Variants in EEFSEC observed in about 807,000 individuals in gnomAD.
EEFSEC encodes the protein selenocysteine-specific elongation factor.
A neutral mutation model predicts 42.1 loss-of-function variants in EEFSEC; 43 were observed. The ratio of observed to expected loss-of-function variants is 1.02; its 90% CI spans 0.80 to 1.32. The LOEUF (loss-of-function observed/expected upper bound fraction) is 1.32. Ranked by LOEUF, EEFSEC falls within the 40% of genes most tolerant of loss-of-function variation. EEFSEC has a pLI of 0.00. For missense variants in EEFSEC, 745 were observed against 803.6 expected (o/e 0.93, Z 0.88); for synonymous variants, 354 against 339.1 (o/e 1.04, Z -0.48).
chr3:128,279,217 A>G (rs111836369), intron 4 of EEFSEC, among the ~76,000 whole-genome samples: 87 of 152,332 alleles, frequency 5.7e-4, no homozygotes, highest in African/African-American at 2.0e-3. Flanking sequence ...AGGGGTGCAG[A>G]CAGGCAGGAA....
At chr3:128,252,449 T>G (rs1276185373) in intron 2 of EEFSEC, among the ~76,000 whole-genome samples, 1 of 152,182 alleles carries the variant, frequency 6.6e-6, no homozygotes, top group Non-Finnish European at 1.5e-5. Context: ...ACCATGGATA[T>G]GTAGGAATAA....
At chr3:128,272,334 G>C (rs2811414) in intron 4 of EEFSEC, among the ~76,000 whole-genome samples, 130,848 of 152,278 alleles carry the variant, frequency 0.86, 56,430 homozygotes, top group East Asian at 0.99. Flanking sequence ...GAAGGGACAT[G>C]TCCTAGGGGT....
chr3:128,404,839 G>A (rs1450647577), intron 6 of EEFSEC, among the ~76,000 whole-genome samples: 3 of 152,156 alleles, frequency 2.0e-5, no homozygotes, highest in Non-Finnish European at 4.4e-5. Flanking sequence ...GCAAGGGCCT[G>A]GCTTCTGGAG....
At chr3:128,257,118 A>G (rs961231768) in intron 2 of EEFSEC, among the ~76,000 whole-genome samples, 6 of 152,178 alleles carry the variant, frequency 3.9e-5, no homozygotes, top group Non-Finnish European at 2.9e-5. Flanking sequence ...TGTAGGCTCC[A>G]GTTGCATCAC....
chr3:128,163,637 A>G (rs1297858294), intron 1 of EEFSEC, among the ~76,000 whole-genome samples: 3 of 151,702 alleles, frequency 2.0e-5, no homozygotes, highest in Non-Finnish European at 2.9e-5. Context: ...TCATCACACA[A>G]TCTCAGTTTA....
At chr3:128,333,274 T>G (rs1328062256) in intron 4 of EEFSEC, among the ~76,000 whole-genome samples, 2 of 152,214 alleles carry the variant, frequency 1.3e-5, no homozygotes, top group Non-Finnish European at 2.9e-5. Context: ...CTCAAGCATC[T>G]GTTGATTCTG....
chr3:128,196,377 G>C (rs894183101), intron 1 of EEFSEC, among the ~76,000 whole-genome samples: 4 of 152,146 alleles, frequency 2.6e-5, no homozygotes, highest in Non-Finnish European at 4.4e-5. Context: ...GCGTATCATG[G>C]GATGTGTGCT....
intron 6 of EEFSEC, among the ~76,000 whole-genome samples, chr3:128,360,653 G>C (rs1291030890): frequency 6.6e-6 from 1 of 151,026 alleles, no homozygotes; most frequent in Non-Finnish European, 1.5e-5. Flanking sequence ...GGAGCCTCTC[G>C]GGGTGCTGGG....
chr3:128,295,476 C>CTTTTTTTTTT (rs2066694304), intron 4 of EEFSEC, among the ~76,000 whole-genome samples: 1 of 7,154 alleles, frequency 1.4e-4, no homozygotes, highest in Non-Finnish European at 4.8e-4. Context: ...TTTTTTTTTG[C>CTTTTTTTTTT]TGGCAAATAT....
At chr3:128,163,497 GT>G (rs2065212014) in intron 1 of EEFSEC, among the ~76,000 whole-genome samples, 3 of 151,874 alleles carry the variant, frequency 2.0e-5, no homozygotes, top group Admixed American at 2.0e-4. Context: ...ATTTTATATA[GT>G]GTTTATATAA....
At chr3:128,398,122 C>T (rs1372997886) in intron 6 of EEFSEC, among the ~76,000 whole-genome samples, 4 of 152,226 alleles carry the variant, frequency 2.6e-5, no homozygotes, top group Non-Finnish European at 5.9e-5. Context: ...ACCAATACTG[C>T]CCCTTCCTGG....
intron 4 of EEFSEC, among the ~76,000 whole-genome samples, chr3:128,294,516 C>T (rs1264054863): frequency 2.0e-5 from 3 of 152,300 alleles, no homozygotes; most frequent in African/African-American, 7.2e-5. Flanking sequence ...GTGCCAAGTG[C>T]CCCCTCTGGA....
chr3:128,260,905 G>C (rs1264724147), intron 2 of EEFSEC, among the ~76,000 whole-genome samples: 1 of 150,330 alleles, frequency 6.7e-6, no homozygotes, highest in African/African-American at 2.5e-5. Context: ...TCATTTTGCT[G>C]ATCTATTAGT....
intron 1 of EEFSEC, among the ~76,000 whole-genome samples, chr3:128,199,264 A>C (rs1352949851): frequency 6.6e-6 from 1 of 152,234 alleles, no homozygotes; most frequent in Non-Finnish European, 1.5e-5. Context: ...CCTTCAGAGA[A>C]TGCAAGAGCC....
chr3:128,225,650 G>A (rs1462931865), intron 1 of EEFSEC, among the ~76,000 whole-genome samples: 1 of 152,240 alleles, frequency 6.6e-6, no homozygotes, highest in Non-Finnish European at 1.5e-5. Context: ...CTGCCAGGGA[G>A]GAGGACAGAG....
At chr3:128,170,466 A>G (rs948488990) in intron 1 of EEFSEC, among the ~76,000 whole-genome samples, 1 of 151,288 alleles carries the variant, frequency 6.6e-6, no homozygotes, top group Non-Finnish European at 1.5e-5. Context: ...ATGAGACTGC[A>G]CTCCAGCCTG....
chr3:128,392,617 C>T (rs1295579564), intron 6 of EEFSEC, among the ~76,000 whole-genome samples: 1 of 152,230 alleles, frequency 6.6e-6, no homozygotes, highest in Non-Finnish European at 1.5e-5. Flanking sequence ...TGACCCAGAG[C>T]ATCCCTGGCC....
At chr3:128,394,660 G>T (rs1019107157) in intron 6 of EEFSEC, among the ~76,000 whole-genome samples, 1 of 152,150 alleles carries the variant, frequency 6.6e-6, no homozygotes, top group Admixed American at 6.5e-5. Context: ...CGGCTCCCTT[G>T]GTGGGGATGG....
Position 128,408,163 on chromosome 3 carries a change from C to A in EEFSEC, c.1695C>A (p.Ser565Arg), listed in dbSNP as rs779890125. 1.2e-6 allele frequency: 2 copies of A among 1,612,766 alleles called. No individual in the cohort carries two copies. Among genetic ancestry groups the A allele is most frequent in the Admixed American group, 3.3e-5 (2 of 59,962 alleles). ...GRGEATRQEE[S>R]AERSEPSQHV... is the part of the protein sequence containing the mutation. Reference sequence around the variant, plus strand: ...GGGAGGCCACCAGGCAGGAGGAGAGCGCCGAGCGGAGCGAGCCCTCACAGC... The same window carrying A: ...GGGAGGCCACCAGGCAGGAGGAGAGAGCCGAGCGGAGCGAGCCCTCACAGC... The change falls in exon 7 of 7, where the codon AGC becomes AGA. Residue 565 changes from serine to arginine, a missense_variant. Coordinates refer to ENST00000254730, the MANE Select transcript of EEFSEC (RefSeq NM_021937.5).
Sources: allele counts gnomAD v4.1 joint callset (sites outside exome capture counted in the v4.1 genomes callset), GRCh38; gene constraint gnomAD v4.1.1; transcripts MANE v1.5; gene names NCBI Gene and HGNC (gene_info 2026-07-23, HGNC 2026-07-21).